Variants in NCK2 observed in about 807,000 individuals in gnomAD.
NCK2 encodes cytoplasmic protein NCK2.
In NCK2, 16 loss-of-function variants were observed where a neutral mutation model predicts 33.9. The ratio of observed to expected loss-of-function variants is 0.47; its 90% CI spans 0.32 to 0.72. The LOEUF (loss-of-function observed/expected upper bound fraction) is 0.72, where lower values mean the gene tolerates loss of function less well. Ranked by LOEUF, NCK2 falls within the 30% of genes least tolerant of loss-of-function variation. The pLI, the probability that NCK2 is intolerant of heterozygous loss-of-function variation, is 0.03. For synonymous variants in NCK2, 273 were observed against 239.9 expected, an observed-to-expected ratio of 1.14 and a Z score of -1.27; for missense variants, 418 against 537.3, an observed-to-expected ratio of 0.78 and a Z score of 2.19.
At chr2:105,872,491 C>T (rs1212991895) in intron 3 of NCK2, among the ~76,000 whole-genome samples, 1 of 152,174 alleles carries the variant, frequency 6.6e-6, no homozygotes, top group African/African-American at 2.4e-5. Context: ...TGACCTCCTC[C>T]TCTTTATTGC....
chr2:105,811,123 C>T (rs1367414225), intron 1 of NCK2, among the ~76,000 whole-genome samples: 2 of 147,396 alleles, frequency 1.4e-5, no homozygotes, highest in Admixed American at 6.8e-5. Flanking sequence ...TGCAGTGAGC[C>T]GAGATTGCAC....
At chr2:105,878,021 G>A (rs931334032) in intron 3 of NCK2, among the ~76,000 whole-genome samples, 3 of 152,200 alleles carry the variant, frequency 2.0e-5, no homozygotes, top group Non-Finnish European at 4.4e-5. Context: ...ATACAACATT[G>A]CTCCCATGGA....
At chr2:105,788,030 A>G (rs1690743224) in intron 1 of NCK2, among the ~76,000 whole-genome samples, 1 of 151,528 alleles carries the variant, frequency 6.6e-6, no homozygotes, top group Non-Finnish European at 1.5e-5. Flanking sequence ...GTCTCCTTCC[A>G]AGGTTGGATC....
chr2:105,772,070 G>T (rs749703296), intron 1 of NCK2, among the ~76,000 whole-genome samples: 2 of 152,134 alleles, frequency 1.3e-5, no homozygotes, highest in East Asian at 1.9e-4. Context: ...TGGAACTGCC[G>T]ATCCTGGCTC....
intron 2 of NCK2, among the ~76,000 whole-genome samples, chr2:105,825,131 G>A (rs1197389426): frequency 6.6e-6 from 1 of 152,152 alleles, no homozygotes; most frequent in Non-Finnish European, 1.5e-5. Context: ...GGAGCTCTGT[G>A]AGTCCATGCC....
Position 105,855,035 on chromosome 2 carries a change from G to A in NCK2, c.-16-13G>A, listed in dbSNP as rs1558871062. On this transcript the variant is annotated splice_polypyrimidine_tract_variant and intron_variant, in intron 2 of 4. Transcript: ENST00000233154. ...AGTTCTCTAATGAGCATCTCCAAAT[G>A]TTTTGCTGGCAGAAGGACTCCATGA... is the stretch of plus-strand genomic sequence containing the variant. 1.3e-6 allele frequency: 2 copies of A among 1,599,082 alleles called. No individual in the cohort carries two copies. Among genetic ancestry groups the A allele is most frequent in the Non-Finnish European group, 1.7e-6 (2 of 1,166,424 alleles).
At chr2:105,869,534 C>T (rs1054226448) in intron 3 of NCK2, among the ~76,000 whole-genome samples, 2 of 152,224 alleles carry the variant, frequency 1.3e-5, no homozygotes, top group Non-Finnish European at 2.9e-5. Context: ...AAGTACGGTT[C>T]GGCTGTGTCT....
chr2:105,811,625 T>G (rs118106287), intron 1 of NCK2, among the ~76,000 whole-genome samples: 2 of 152,280 alleles, frequency 1.3e-5, no homozygotes, highest in East Asian at 3.9e-4. Context: ...GAGTTTTGGG[T>G]TGCATGAAGG....
At position 105,823,132 on chromosome 2, in the gene NCK2, CTGTGTG is replaced by C. The variant is rs10610689; in HGVS notation, c.-17+6555_-17+6560del. Among the ~76,000 whole-genome samples, 1,337 of 148,616 alleles carry C rather than the reference CTGTGTG, an allele frequency of 9.0e-3. 31 individuals carry two copies. The highest frequency in any genetic ancestry group is 0.024 in the African/African-American group (951 of 39,916). On this transcript the variant is annotated intron_variant, in intron 2 of 4. Transcript: ENST00000233154. The stretch of plus-strand genomic sequence containing the variant: ...CAGAAAAACAAAAAGTCCTCTCATG[CTGTGTG>C]TGTGTGTGTGTGTGTGTGTGTGTGT...
chr2:105,881,298 G>T, intron 3 of NCK2, 30 bp from the exon 4 acceptor site: 2 of 1,553,332 alleles, frequency 1.3e-6, no homozygotes, highest in East Asian at 2.3e-5. Context: ...CAAGTGCCCT[G>T]CGCCACTGAG....
At chr2:105,861,513 CTTT>C (rs35044148) in intron 3 of NCK2, among the ~76,000 whole-genome samples, 27 of 114,450 alleles carry the variant, frequency 2.4e-4, no homozygotes, top group African/African-American at 2.8e-4. Flanking sequence ...AGGTTTTTCT[CTTT>C]TTTTTTTTTT....
chr2:105,880,232 T>C (rs559721316), intron 3 of NCK2, among the ~76,000 whole-genome samples: 4 of 152,348 alleles, frequency 2.6e-5, no homozygotes, highest in African/African-American at 9.6e-5. Context: ...TTTTCTACTT[T>C]ATTCCCTTAA....
At position 105,840,141 on chromosome 2, in the gene NCK2, A is replaced by G. The variant is rs565664159; in HGVS notation, c.-16-14907A>G. On this transcript the variant is annotated intron_variant, in intron 2 of 4. Transcript: ENST00000233154. ...AAGGAGAGTTGGTGGGGTTAGGGGC[A>G]AGGGAATGTAATCACAATATGGAGG... Among the ~76,000 whole-genome samples the G allele has an allele frequency of 9.9e-4, 150 of 152,260 alleles. 1 individual carries two copies. The highest frequency in any genetic ancestry group is 6.8e-3 in the Middle Eastern group (2 of 294).
chr2:105,752,844 A>G (rs555108241), intron 1 of NCK2, among the ~76,000 whole-genome samples: 7 of 152,288 alleles, frequency 4.6e-5, no homozygotes, highest in African/African-American at 1.7e-4. Context: ...TTCTGATAAC[A>G]TGTTAAGTAC....
At chr2:105,752,563 G>A (rs957386376) in intron 1 of NCK2, among the ~76,000 whole-genome samples, 15 of 152,196 alleles carry the variant, frequency 9.9e-5, no homozygotes, top group Non-Finnish European at 1.5e-5. Flanking sequence ...ATTGTATACA[G>A]TGATGGGGTA....
At chr2:105,863,104 C>A (rs552459505) in intron 3 of NCK2, among the ~76,000 whole-genome samples, 1 of 152,334 alleles carries the variant, frequency 6.6e-6, no homozygotes, top group South Asian at 2.1e-4. Context: ...ATATCTATAT[C>A]CCCAGCATGC....
chr2:105,862,946 G>C (rs1416719125), intron 3 of NCK2, among the ~76,000 whole-genome samples: 1 of 151,760 alleles, frequency 6.6e-6, no homozygotes, highest in African/African-American at 2.4e-5. Context: ...TTTGGCATAA[G>C]CCTTTAAGAG....
intron 2 of NCK2, among the ~76,000 whole-genome samples, chr2:105,830,445 A>G (rs1338830135): frequency 6.6e-6 from 1 of 152,130 alleles, no homozygotes; most frequent in African/African-American, 2.4e-5. Context: ...TCCACTGTGT[A>G]TATGTACCAC....
At chr2:105,848,847 T>C (rs1024018856) in intron 2 of NCK2, among the ~76,000 whole-genome samples, 3 of 152,206 alleles carry the variant, frequency 2.0e-5, no homozygotes, top group African/African-American at 7.2e-5. Flanking sequence ...CACAGCGAAG[T>C]AGATTGTGTT....
Sources: allele counts gnomAD v4.1 joint callset (sites outside exome capture counted in the v4.1 genomes callset), GRCh38; gene constraint gnomAD v4.1.1; transcripts MANE v1.5; gene names NCBI Gene and HGNC (gene_info 2026-07-23, HGNC 2026-07-21).